TIAM2: variants seen among roughly 807,000 people sequenced by gnomAD.
The protein encoded by TIAM2 is TIAM Rac1 associated GEF 2.
TIAM2 carries 80 observed loss-of-function variants against 152.9 expected under a neutral mutation model. The ratio of observed to expected loss-of-function variants is 0.52; its 90% confidence interval spans 0.44 to 0.63. The LOEUF (loss-of-function observed/expected upper bound fraction) is 0.63, where lower values mean the gene tolerates loss of function less well. TIAM2 is among the 30% of genes least tolerant of loss of function. The pLI, the probability that TIAM2 is intolerant of heterozygous loss-of-function variation, is 0.00. For missense variants in TIAM2, 1,965 were observed against 2,120.1 expected (o/e 0.93, Z 1.44); for synonymous variants, 804 against 838.0 (o/e 0.96, Z 0.70).
At chr6:155,190,431 G>A (rs966894945) in intron 14 of TIAM2, among the ~76,000 whole-genome samples, 1 of 152,198 alleles carries the variant, frequency 6.6e-6, no homozygotes, top group Non-Finnish European at 1.5e-5. Flanking sequence ...GGTCCTCACC[G>A]GTCCCCTTTA....
At chr6:155,035,856 G>A (rs192285894) in intron 1 of TIAM2, among the ~76,000 whole-genome samples, 1 of 152,284 alleles carries the variant, frequency 6.6e-6, no homozygotes, top group Admixed American at 6.5e-5. Flanking sequence ...AATGGCCCTT[G>A]GAAGGCTGCG....
chr6:155,158,141 G>A (rs961886889), intron 7 of TIAM2, among the ~76,000 whole-genome samples: 5 of 152,042 alleles, frequency 3.3e-5, no homozygotes, highest in Non-Finnish European at 5.9e-5. Context: ...CCTAGTAATA[G>A]GCAAATGACT....
chr6:155,020,542 A>C (rs1776455992), intron 1 of TIAM2, among the ~76,000 whole-genome samples: 1 of 151,786 alleles, frequency 6.6e-6, no homozygotes, highest in Non-Finnish European at 1.5e-5. Flanking sequence ...GCTCACTGAA[A>C]CCTCCGCCCC....
At chr6:155,120,803 A>T (rs1186645906) in intron 2 of TIAM2, among the ~76,000 whole-genome samples, 1 of 152,228 alleles carries the variant, frequency 6.6e-6, no homozygotes, top group Non-Finnish European at 1.5e-5. Context: ...ACTAGGTGAC[A>T]GTAGCAGACC....
chr6:155,250,776 C>T (rs1259815375), intron 21 of TIAM2, 137 bp from the exon 22 acceptor site: 10 of 1,117,022 alleles, frequency 9.0e-6, no homozygotes, highest in Non-Finnish European at 1.3e-5. Flanking sequence ...TTTAAGGCCC[C>T]ATGTTTACAG....
chr6:155,201,514 G>C (rs970063373), intron 14 of TIAM2, among the ~76,000 whole-genome samples: 9 of 152,164 alleles, frequency 5.9e-5, no homozygotes, highest in Non-Finnish European at 1.0e-4. Flanking sequence ...GTCATTGACT[G>C]TGTATTTTTC....
intron 26 of TIAM2, 107 bp from the exon 27 acceptor site, chr6:155,256,377 C>T: frequency 6.6e-7 from 1 of 1,504,270 alleles, no homozygotes; most frequent in Non-Finnish European, 9.0e-7. Context: ...GAAGTCATAT[C>T]ATAAAATAAA....
intron 1 of TIAM2, among the ~76,000 whole-genome samples, chr6:155,049,273 G>A (rs1246333865): frequency 6.6e-6 from 1 of 152,116 alleles, no homozygotes; most frequent in East Asian, 1.9e-4. Flanking sequence ...AGCCATTGCT[G>A]CTTGTCACCT....
chr6:155,028,719 CATATA>C (rs545671352), intron 1 of TIAM2, among the ~76,000 whole-genome samples: 2 of 124,932 alleles, frequency 1.6e-5, no homozygotes, highest in South Asian at 2.4e-4. Context: ...ATATATACTA[CATATA>C]ATATATATAC....
chr6:155,063,122 AT>A (rs149662143), intron 1 of TIAM2, among the ~76,000 whole-genome samples: 8 of 149,818 alleles, frequency 5.3e-5, no homozygotes, highest in African/African-American at 9.8e-5. Flanking sequence ...GTGACTTGTC[AT>A]TTTTTTTTTA....
At chr6:155,064,707 CT>C (rs2114943385) in intron 1 of TIAM2, among the ~76,000 whole-genome samples, 1 of 152,280 alleles carries the variant, frequency 6.6e-6, no homozygotes, top group South Asian at 2.1e-4. Flanking sequence ...TGACTAATAA[CT>C]TGTGTGCATG....
intron 2 of TIAM2, among the ~76,000 whole-genome samples, chr6:155,115,731 C>G (rs1226694376): frequency 1.3e-5 from 2 of 152,308 alleles, no homozygotes; most frequent in African/African-American, 2.4e-5. Context: ...CATTATTCAT[C>G]CCCTGGAGGC....
At chr6:155,115,725 A>T (rs142169273) in intron 2 of TIAM2, among the ~76,000 whole-genome samples, 15 of 152,326 alleles carry the variant, frequency 9.8e-5, no homozygotes, top group African/African-American at 3.1e-4. Flanking sequence ...TTGCCTCATT[A>T]TTCATCCCCT....
chr6:155,170,251 T>C (rs1190939187), intron 9 of TIAM2, among the ~76,000 whole-genome samples: 1 of 113,910 alleles, frequency 8.8e-6, no homozygotes, highest in Non-Finnish European at 2.0e-5. Flanking sequence ...ATTTAATGGC[T>C]GAGGATGACT....
intron 20 of TIAM2, among the ~76,000 whole-genome samples, chr6:155,248,749 A>C (rs928367281): frequency 6.6e-6 from 1 of 152,234 alleles, no homozygotes; most frequent in Non-Finnish European, 1.5e-5. Flanking sequence ...AAAGCCTTGC[A>C]GTTTGATAGT....
intron 9 of TIAM2, among the ~76,000 whole-genome samples, chr6:155,172,676 A>G (rs1335329157): frequency 7.7e-5 from 1 of 13,070 alleles, no homozygotes; most frequent in African/African-American, 3.7e-4. Context: ...ATATATATAT[A>G]TATATATATA....
At chr6:154,996,083 T>G (rs1270012382) in intron 1 of TIAM2, among the ~76,000 whole-genome samples, 1 of 152,034 alleles carries the variant, frequency 6.6e-6, no homozygotes, top group African/African-American at 2.4e-5. Flanking sequence ...GGGGCTGAGG[T>G]GCCAAGTTTC....
chr6:155,085,283 G>A (rs950880893), intron 1 of TIAM2, among the ~76,000 whole-genome samples: 1 of 152,134 alleles, frequency 6.6e-6, no homozygotes, highest in Non-Finnish European at 1.5e-5. Context: ...ATTTGAAGAA[G>A]GCATGAATTT....
intron 1 of TIAM2, among the ~76,000 whole-genome samples, chr6:155,025,217 G>A (rs1204302038): frequency 2.1e-5 from 3 of 143,280 alleles, no homozygotes; most frequent in East Asian, 2.0e-4. Context: ...TTTTTGAGAC[G>A]GAGTCTCGCT....
Sources: gnomAD v4.1 joint callset for allele counts (sites outside exome capture counted in the v4.1 genomes callset) on GRCh38, gnomAD v4.1.1 for gene constraint, MANE v1.5 for transcripts, NCBI Gene and HGNC (gene_info 2026-07-23, HGNC 2026-07-21) for gene names.